Variants in SGCG observed in about 807,000 individuals in gnomAD.
SGCG encodes gamma-sarcoglycan.
Under a neutral mutation model 29.3 loss-of-function variants are expected in SGCG, and 26 were observed. The ratio of observed to expected loss-of-function variants is 0.89; its 90% CI spans 0.65 to 1.23. The LOEUF is 1.23. Among genes scored for constraint, SGCG ranks in the 50% most tolerant of loss-of-function variants. The pLI, the probability that SGCG is intolerant of heterozygous loss-of-function variation, is 0.00. For synonymous variants in SGCG, 145 were observed against 129.7 expected (o/e 1.12, Z -0.80); for missense variants, 353 against 356.0 (o/e 0.99, Z 0.07).
intron 6 of SGCG, among the ~76,000 whole-genome samples, chr13:23,298,935 C>T (rs926864494): frequency 6.6e-6 from 1 of 152,062 alleles, no homozygotes; most frequent in Admixed American, 6.5e-5. Context: ...AAAAAAATAA[C>T]AAAACTGCAA....
At chr13:23,255,903 T>TA (rs1880158093) in intron 4 of SGCG, among the ~76,000 whole-genome samples, 1 of 152,092 alleles carries the variant, frequency 6.6e-6, no homozygotes, top group Non-Finnish European at 1.5e-5. Context: ...GGCAGCAGCT[T>TA]ACACCATGAA....
At chr13:23,213,544 C>T (rs138713301) in intron 2 of SGCG, among the ~76,000 whole-genome samples, 2,311 of 152,238 alleles carry the variant, frequency 0.015, 70 homozygotes, top group African/African-American at 0.053. Context: ...TGTCCTTGAT[C>T]ATTTACTGAA....
At chr13:23,198,969 G>A (rs111294228) in intron 1 of SGCG, among the ~76,000 whole-genome samples, 34,324 of 151,548 alleles carry the variant, frequency 0.23, 4,174 homozygotes, top group East Asian at 0.35. Flanking sequence ...TTAGCGGGGC[G>A]TGGTGGCGGG....
chr13:23,298,556 C>G (rs569742244), intron 6 of SGCG, among the ~76,000 whole-genome samples: 2 of 151,862 alleles, frequency 1.3e-5, no homozygotes, highest in African/African-American at 4.8e-5. Flanking sequence ...TAAATTATAA[C>G]AAGGTTTAAT....
At chr13:23,179,384 T>C (rs1270218427), upstream of SGCG, among the ~76,000 whole-genome samples, 1 of 152,218 alleles carries the variant, frequency 6.6e-6, no homozygotes, top group African/African-American at 2.4e-5. Flanking sequence ...CTAACATTTT[T>C]ACAAAGCAGT....
In SGCG at chr13:23,320,597, CT is replaced by C. The variant is rs67528585; in HGVS notation, c.579-23del. 55,743 of 1,304,732 alleles carry C rather than the reference CT, an allele frequency of 0.043. 168 individuals are homozygous for C. Among genetic ancestry groups the C allele is most frequent in the East Asian group, 0.099 (3,518 of 35,712 alleles). 80.8% of individuals were successfully genotyped at this position (1,304,732 alleles called of 1,614,324 possible). Reference sequence around the variant, plus strand: ...ATTGCTGGAGTGGCTATTTTTAATACTTTTTTTTTTTTTTTTTGTGCTTCTT... The same window carrying C: ...ATTGCTGGAGTGGCTATTTTTAATACTTTTTTTTTTTTTTTTGTGCTTCTT... On this transcript the variant is annotated intron_variant, in intron 6 of 7. Transcript: ENST00000218867.
intron 1 of SGCG, among the ~76,000 whole-genome samples, chr13:23,189,074 C>CGGGCG (rs1877132185): frequency 6.6e-6 from 1 of 152,174 alleles, no homozygotes; most frequent in South Asian, 2.1e-4. Flanking sequence ...GGAGAGATGA[C>CGGGCG]GGGCGGTCAT....
chr13:23,279,292 T>C, intron 4 of SGCG, 67 bp from the exon 5 acceptor site: 1 of 1,478,210 alleles, frequency 6.8e-7, no homozygotes, highest in Non-Finnish European at 9.4e-7. Context: ...ACGTGGCATG[T>C]GTAAAAATAG....
intron 6 of SGCG, among the ~76,000 whole-genome samples, chr13:23,318,966 C>T (rs1882930247): frequency 6.6e-6 from 1 of 152,196 alleles, no homozygotes; most frequent in Non-Finnish European, 1.5e-5. Flanking sequence ...CCTTCCACTC[C>T]TCCACGCAAG....
chr13:23,278,430 C>T (rs1475533976), intron 4 of SGCG, among the ~76,000 whole-genome samples: 2 of 136,372 alleles, frequency 1.5e-5, no homozygotes, highest in African/African-American at 5.3e-5. Context: ...GCGACATGAG[C>T]GAAACTCTGT....
chr13:23,312,096 G>A (rs114323668), intron 6 of SGCG, among the ~76,000 whole-genome samples: 6,827 of 152,186 alleles, frequency 0.045, 486 homozygotes, highest in African/African-American at 0.16. Flanking sequence ...TTCTTCTTTG[G>A]CTCCAAGTAA....
chr13:23,178,193 G>C (rs1195591892), upstream of SGCG, among the ~76,000 whole-genome samples: 1 of 152,054 alleles, frequency 6.6e-6, no homozygotes, highest in African/African-American at 2.4e-5. Context: ...CCCGGAAGCA[G>C]AGGAAGTAGG....
intron 1 of SGCG, among the ~76,000 whole-genome samples, chr13:23,184,913 C>T (rs945081707): frequency 1.3e-5 from 2 of 152,152 alleles, no homozygotes; most frequent in Non-Finnish European, 2.9e-5. Flanking sequence ...AAAAGATGTT[C>T]ATTTGTGAAT....
chr13:23,162,492 G>A, the SGCG span, among the ~76,000 whole-genome samples: 20 of 152,188 alleles, frequency 1.3e-4, no homozygotes, highest in Non-Finnish European at 2.8e-4. Context: ...CGGGCGTGGT[G>A]GCAGGCGCCT....
chr13:23,261,555 G>T (rs1880439224), intron 4 of SGCG, among the ~76,000 whole-genome samples: 1 of 151,938 alleles, frequency 6.6e-6, no homozygotes, highest in Non-Finnish European at 1.5e-5. Flanking sequence ...TGAGAGAAAA[G>T]AAAAAACAAA....
At chr13:23,215,978 CAGA>C (rs1483163256) in intron 2 of SGCG, among the ~76,000 whole-genome samples, 1 of 150,176 alleles carries the variant, frequency 6.7e-6, no homozygotes, top group Non-Finnish European at 1.5e-5. Context: ...TGACAGTACT[CAGA>C]AAACGAGATA....
intron 5 of SGCG, among the ~76,000 whole-genome samples, chr13:23,291,710 C>T (rs774737564): frequency 3.9e-5 from 6 of 152,122 alleles, no homozygotes; most frequent in Non-Finnish European, 8.8e-5. Flanking sequence ...ATTATAGTTA[C>T]ATTAGAAGGT....
intron 2 of SGCG, among the ~76,000 whole-genome samples, chr13:23,207,184 C>A (rs1252619543): frequency 6.6e-6 from 1 of 152,172 alleles, no homozygotes; most frequent in African/African-American, 2.4e-5. Flanking sequence ...ATCAACTGGT[C>A]TTTGACAAGG....
chr13:23,270,302 A>C (rs1880822030), intron 4 of SGCG, among the ~76,000 whole-genome samples: 1 of 152,250 alleles, frequency 6.6e-6, no homozygotes, highest in Non-Finnish European at 1.5e-5. Flanking sequence ...TTAGATTCCC[A>C]GCGGCGGTGT....
Sources: allele counts gnomAD v4.1 joint callset (sites outside exome capture counted in the v4.1 genomes callset), GRCh38; gene constraint gnomAD v4.1.1; transcripts MANE v1.5; gene names NCBI Gene and HGNC (gene_info 2026-07-23, HGNC 2026-07-21).